The following GTF2H5 variants were observed in gnomAD, a reference collection of about 807,000 sequenced individuals.
The protein encoded by GTF2H5 is general transcription factor IIH subunit 5.
Under a neutral mutation model 7.1 loss-of-function variants are expected in GTF2H5, and 5 were observed. That is an observed-to-expected ratio of 0.71 (90% CI 0.37 to 1.49). GTF2H5 has a LOEUF of 1.49. Ranked by LOEUF, GTF2H5 falls within the 40% of genes most tolerant of loss-of-function variation. The pLI, the probability that GTF2H5 is intolerant of heterozygous loss-of-function variation, is 0.03. For synonymous variants in GTF2H5, 30 were observed against 31.7 expected (o/e 0.95, Z 0.18); for missense variants, 80 against 83.0 (o/e 0.96, Z 0.14).
chr6:158,168,562 A>G (rs1364313075), intron 1 of GTF2H5, among the ~76,000 whole-genome samples, 167 bp downstream of exon 1: 4 of 152,164 alleles, frequency 2.6e-5, no homozygotes, highest in African/African-American at 9.7e-5. Context: ...GCGGGGCCGC[A>G]CGGCAGTCCC....
intron 2 of GTF2H5, among the ~76,000 whole-genome samples, chr6:158,184,197 C>T (rs1381080552): frequency 6.6e-6 from 1 of 151,796 alleles, no homozygotes; most frequent in African/African-American, 2.4e-5. Flanking sequence ...GGTACATCAC[C>T]AGCAAGGTAG....
At chr6:158,169,249 ATATATATATAT>A (rs1785702099) in intron 1 of GTF2H5, among the ~76,000 whole-genome samples, 1 of 131,982 alleles carries the variant, frequency 7.6e-6, no homozygotes, top group African/African-American at 2.9e-5. Context: ...GTATATATAC[ATATATATATAT>A]TATATATGTA....
intron 1 of GTF2H5, among the ~76,000 whole-genome samples, chr6:158,169,686 A>ATATATATTATAAAATATATTGTATAT (rs1785787314): frequency 3.4e-5 from 1 of 29,760 alleles, no homozygotes; most frequent in African/African-American, 2.0e-4. Context: ...ATAATATATA[A>ATATATATTATAAAATATATTGTATAT]TATATATTAT....
At chr6:158,173,697 A>C (rs997291776) in intron 2 of GTF2H5, among the ~76,000 whole-genome samples, 1 of 151,086 alleles carries the variant, frequency 6.6e-6, no homozygotes, top group Non-Finnish European at 1.5e-5. Context: ...TTTTGGCTTC[A>C]TGCAGGAAAG....
Position 158,177,983 on chromosome 6 carries a change from G to C in GTF2H5, c.35+7445G>C, listed in dbSNP as rs1424305958. Among the ~76,000 whole-genome samples the C allele has an allele frequency of 2.0e-5, 3 of 152,136 alleles. No individual in the cohort carries two copies. In the East Asian group the frequency reaches 5.8e-4, roughly 29 times the overall value. ...TCCAGTCTATCATTGATGGACATTTGGGTTGGTTCCAAGTCTTAGCTATTG... is the reference window on the plus strand; with the variant it reads ...TCCAGTCTATCATTGATGGACATTTCGGTTGGTTCCAAGTCTTAGCTATTG... On this transcript the variant is annotated intron_variant, in intron 2 of 2. Transcript: ENST00000607778.
intron 2 of GTF2H5, among the ~76,000 whole-genome samples, chr6:158,176,425 C>T (rs966643359): frequency 2.6e-5 from 4 of 152,256 alleles, no homozygotes; most frequent in African/African-American, 9.6e-5. Context: ...TGGGGTTTCA[C>T]TATCTTGGCC....
intron 2 of GTF2H5, 39 bp from the exon 3 acceptor site, chr6:158,191,938 A>G: frequency 6.5e-7 from 1 of 1,534,832 alleles, no homozygotes; most frequent in Middle Eastern, 1.7e-4. Context: ...ATGTGATTTG[A>G]CAACAAGCTG....
At position 158,192,130 on chromosome 6, in the gene GTF2H5, A is replaced by G. The variant is rs1168448504; in HGVS notation, c.189A>G (p.Gln63=). The change falls in exon 3 of 3, where the codon CAA becomes CAG. Residue 63 remains glutamine (Q), a synonymous_variant. Coordinates refer to ENST00000607778, the MANE Select transcript of GTF2H5 (RefSeq NM_207118.3). The part of the protein sequence containing the change: ...LQERVGELMD[Q]NAFSLTQK ...AGCGAGTGGGTGAATTAATGGACCA[A>G]AATGCTTTTTCCCTTACCCAGAAAT... The G allele has an allele frequency of 6.2e-7, 1 of 1,613,204 alleles. No homozygotes were observed. Among genetic ancestry groups the G allele is most frequent in the African/African-American group, 1.3e-5 (1 of 74,914 alleles).
At chr6:158,176,269 C>T (rs1785933092) in intron 2 of GTF2H5, among the ~76,000 whole-genome samples, 1 of 152,110 alleles carries the variant, frequency 6.6e-6, no homozygotes, top group African/African-American at 2.4e-5. Context: ...CACTGTCACC[C>T]AGCCTGGAGT....
rs1777098639 is a variant in GTF2H5 at position 158,195,857 on chromosome 6, A to G, written c.*3700A>G. 1 of 152,258 alleles carries G rather than the reference A, an allele frequency of 6.6e-6. No homozygotes were observed. Among genetic ancestry groups the G allele is most frequent in the Non-Finnish European group, 1.5e-5 (1 of 68,046 alleles). The allele number at this position is 152,258 out of a possible 1,614,324, so 9.4% of individuals were successfully genotyped here. A position where few individuals can be genotyped will look rare whatever the true frequency, so the allele number is the denominator to read the frequency against. On this transcript the variant is annotated 3_prime_UTR_variant, in exon 3 of 3. Transcript: ENST00000607778. ...GAGAAATGATGCAGTTTGCAAATAT[A>G]GTCAATAAATATTCTCAAGTGTACG...
intron 1 of GTF2H5, among the ~76,000 whole-genome samples, chr6:158,170,234 A>G (rs1785836215): frequency 2.6e-5 from 4 of 152,136 alleles, no homozygotes; most frequent in African/African-American, 9.7e-5. Flanking sequence ...TATTAGGGCT[A>G]ATTGACCTTG....
intron 2 of GTF2H5, among the ~76,000 whole-genome samples, chr6:158,181,851 A>G (rs1350251918): frequency 6.6e-6 from 1 of 152,158 alleles, no homozygotes; most frequent in East Asian, 1.9e-4. Context: ...GTGTCTTTCA[A>G]TTGGGGCATT....
At chr6:158,187,685 A>G (rs1776952656) in intron 2 of GTF2H5, among the ~76,000 whole-genome samples, 1 of 152,104 alleles carries the variant, frequency 6.6e-6, no homozygotes, top group Non-Finnish European at 1.5e-5. Flanking sequence ...CTCCTGCCTC[A>G]GCCTCCCGAG....
chr6:158,169,502 A>ATATACTG (rs1785749201), intron 1 of GTF2H5, among the ~76,000 whole-genome samples: 1 of 62,748 alleles, frequency 1.6e-5, no homozygotes, highest in African/African-American at 7.7e-5. Flanking sequence ...ATATTATATA[A>ATATACTG]TATATTGTAT....
chr6:158,192,391 C>A lies in GTF2H5; in HGVS notation c.*234C>A, dbSNP rs1777042799. 2.1e-6 allele frequency: 1 copy of A among 487,482 alleles called. No homozygotes were observed. The highest frequency in any genetic ancestry group is 3.4e-5 in the Admixed American group (1 of 29,110). 30.2% of individuals were successfully genotyped at this position (487,482 alleles called of 1,614,324 possible). On this transcript the variant is annotated 3_prime_UTR_variant, in exon 3 of 3. Transcript: ENST00000607778. ...TTGGCTGTAATTTGGCTTTTATTAT[C>A]CTTTATTAAAATACAAATGTCAATG...
chr6:158,187,601 T>C (rs999840242), intron 2 of GTF2H5, among the ~76,000 whole-genome samples: 5 of 152,160 alleles, frequency 3.3e-5, no homozygotes, highest in Non-Finnish European at 7.3e-5. Flanking sequence ...GGAGTCTCGC[T>C]CTGTTGCACA....
In GTF2H5 at chr6:158,195,028, A is replaced by G. The variant is rs1018985439; in HGVS notation, c.*2871A>G. On this transcript the variant is annotated 3_prime_UTR_variant, in exon 3 of 3. Coordinates refer to ENST00000607778, the MANE Select transcript of GTF2H5 (RefSeq NM_207118.3). ...ATGTCCAACTATGGGTGAACAGGAA[A>G]TAAGCGACATTCACCTAGGCTGTTT... is the stretch of plus-strand genomic sequence containing the variant. 2.0e-5 allele frequency: 3 copies of G among 152,244 alleles called. No individual in the cohort carries two copies. The highest frequency in any genetic ancestry group is 4.1e-4 in the South Asian group (2 of 4,834). 9.4% of individuals were successfully genotyped at this position (152,244 alleles called of 1,614,324 possible).
intron 2 of GTF2H5, among the ~76,000 whole-genome samples, chr6:158,176,614 T>A (rs2128429722): frequency 6.6e-6 from 1 of 152,254 alleles, no homozygotes; most frequent in South Asian, 2.1e-4. Context: ...AAATAGTAAA[T>A]TGCCGAGACC....
In GTF2H5 at chr6:158,169,836, T is replaced by TAC. The variant is rs202023449; in HGVS notation, c.-34-633_-34-632insCA. On this transcript the variant is annotated intron_variant, in intron 1 of 2. Transcript: ENST00000607778. Reference sequence around the variant, plus strand: ...TATTATATATAAAAGTGTGTATATATATACACACACACACACACGATACAA... The same window carrying TAC: ...TATTATATATAAAAGTGTGTATATATACATACACACACACACACACGATACAA... 4.0e-3 allele frequency among the ~76,000 whole-genome samples: 406 copies of TAC among 102,038 alleles called. 16 individuals carry two copies. The highest frequency in any genetic ancestry group is 0.016 in the African/African-American group (386 of 23,698). The allele number at this position is 102,038 out of a possible 152,430, so 66.9% of individuals were successfully genotyped here.
Sources: gnomAD v4.1 joint callset for allele counts (sites outside exome capture counted in the v4.1 genomes callset) on GRCh38, gnomAD v4.1.1 for gene constraint, MANE v1.5 for transcripts, NCBI Gene and HGNC (gene_info 2026-07-23, HGNC 2026-07-21) for gene names.